Variants in PHF3 observed in about 807,000 individuals in gnomAD.
The protein encoded by PHF3 is PHD finger protein 3.
A neutral mutation model predicts 178.4 loss-of-function variants in PHF3; 41 were observed. The observed-to-expected ratio is 0.23, with a 90% CI of 0.18 to 0.30. The LOEUF is 0.30. Among genes scored for constraint, PHF3 ranks in the 10% least tolerant of loss-of-function variants. The probability of loss-of-function intolerance (pLI) is 1.00; values close to 1 mark genes in which losing one functional copy is unlikely to be tolerated. For missense variants in PHF3, 2,346 were observed against 2,398.1 expected (o/e 0.98, Z 0.45); for synonymous variants, 842 against 800.5 (o/e 1.05, Z -0.88).
In PHF3 at chr6:63,707,019, A is replaced by T. The variant is rs796821628; in HGVS notation, c.3711+143A>T. The T allele has an allele frequency of 1.0e-4, 74 of 707,144 alleles. No homozygotes were observed. The African/African-American group carries it at 1.1e-3, about 11-fold the overall frequency. The allele number at this position is 707,144 out of a possible 1,614,324, so 43.8% of individuals were successfully genotyped here. ...AACAGTCCAAGTAATATAATTATGA[A>T]TTAACAAATGGATCTTTAGAATTGT... is the stretch of plus-strand genomic sequence containing the variant. On this transcript the variant is annotated intron_variant, in intron 13 of 15. Coordinates refer to ENST00000262043, the MANE Select transcript of PHF3 (RefSeq NM_001370348.2).
intron 3 of PHF3, among the ~76,000 whole-genome samples, chr6:63,680,393 G>A (rs962380572): frequency 7.8e-5 from 11 of 141,484 alleles, no homozygotes; most frequent in Admixed American, 7.0e-4. Flanking sequence ...CTCTGAGCTG[G>A]TTTAATTTTT....
At chr6:63,694,116 C>G (rs1767126975) in intron 5 of PHF3, among the ~76,000 whole-genome samples, 1 of 152,140 alleles carries the variant, frequency 6.6e-6, no homozygotes, top group African/African-American at 2.4e-5. Context: ...TCTCAGAATT[C>G]CAGTTTTACT....
chr6:63,674,995 T>G (rs1302086318), intron 2 of PHF3, among the ~76,000 whole-genome samples: 1 of 152,126 alleles, frequency 6.6e-6, no homozygotes, highest in Non-Finnish European at 1.5e-5. Flanking sequence ...TTTATTCTCT[T>G]TATCTCATTT....
In PHF3 at chr6:63,719,610, G is replaced by A. The variant is rs998351293; in HGVS notation, c.*5902G>A. Among the ~76,000 whole-genome samples, 3 of 151,984 alleles carry A rather than the reference G, an allele frequency of 2.0e-5. No individual in the cohort carries two copies. Among genetic ancestry groups the A allele is most frequent in the African/African-American group, 4.8e-5 (2 of 41,416 alleles). Reference sequence around the variant, plus strand: ...TCACAATTGTATCAGTAACTGTTTTGGGAAAAATAATATTTTTTCAAGTTA... The same window carrying A: ...TCACAATTGTATCAGTAACTGTTTTAGGAAAAATAATATTTTTTCAAGTTA... On this transcript the variant is annotated 3_prime_UTR_variant, in exon 16 of 16. Coordinates refer to ENST00000262043, the MANE Select transcript of PHF3 (RefSeq NM_001370348.2).
Position 63,712,208 on chromosome 6 carries a change from A to G in PHF3, c.4620A>G (p.Ile1540Met). The change falls in exon 16 of 16, where the codon ATA (isoleucine) becomes ATG (methionine). Residue 1540 changes from isoleucine to methionine, a missense_variant. Around this residue, in one of 8 missense-constraint regions of PHF3, gnomAD observed 839 missense variants for 806.9 expected, o/e 1.04. Transcript: ENST00000262043. ...ISESTDKSAE[I>M]ETSVVGSSSI... ...AATCTACAGATAAGTCAGCAGAAAT[A>G]GAAACATCAGTAGTAGGGTCCTCTT... The G allele has an allele frequency of 1.2e-6, 2 of 1,614,078 alleles. No homozygotes were observed. The highest frequency in any genetic ancestry group is 1.1e-5 in the South Asian group (1 of 91,082).
chr6:63,677,052 G>A (rs1369116980), intron 2 of PHF3, among the ~76,000 whole-genome samples: 1 of 152,184 alleles, frequency 6.6e-6, no homozygotes, highest in Admixed American at 6.5e-5. Context: ...AATACCTTGG[G>A]AGGAACAGTT....
At chr6:63,676,563 C>T (rs531851267) in intron 2 of PHF3, among the ~76,000 whole-genome samples, 22 of 152,196 alleles carry the variant, frequency 1.4e-4, no homozygotes, top group Admixed American at 1.1e-3. Flanking sequence ...TTATGCTTCC[C>T]TATGTTCAGG....
At chr6:63,702,412 ATTTG>A (rs1469601866) in intron 9 of PHF3, 92 bp from the exon 10 acceptor site, 6 of 767,044 alleles carry the variant, frequency 7.8e-6, no homozygotes, top group Middle Eastern at 4.1e-4. Flanking sequence ...ATCTGTGGTG[ATTTG>A]TTTATTTTTA....
In PHF3 at chr6:63,684,122, G is replaced by A. The variant is rs1465166106; in HGVS notation, c.407-7G>A. 6.4e-7 allele frequency: 1 copy of A among 1,570,762 alleles called. No homozygotes were observed. Among genetic ancestry groups the A allele is most frequent in the Non-Finnish European group, 8.6e-7 (1 of 1,161,142 alleles). On this transcript the variant is annotated splice_region_variant and splice_polypyrimidine_tract_variant and intron_variant, in intron 3 of 15. Transcript: ENST00000262043. ...GTATTTTTATTTATTTTTTCCCCCT[G>A]TGATAGAACAAGTAAGAAGTTTGCG...
chr6:63,680,108 T>A lies in PHF3; in HGVS notation c.353T>A (p.Val118Glu). Residue 118 changes from valine to glutamate, a missense_variant, in exon 3 of 16, where the codon GTA (valine) becomes GAA (glutamate). Physicochemically the swap from Val to Glu is moderately radical, Grantham distance 121. This residue lies in a region of PHF3 where 843 missense variants were observed against 795.2 expected (regional missense o/e 1.06). Coordinates refer to ENST00000262043, the MANE Select transcript of PHF3 (RefSeq NM_001370348.2). ...CCTAACAGGAACTTAAGGGACAAGG[T>A]AGAAGAAAATTCAGTGAGATCTCCA... ...ILPNRNLRDK[V>E]EENSVRSPRK... 1 of 1,611,686 alleles carries A rather than the reference T, an allele frequency of 6.2e-7. No individual in the cohort carries two copies. Among genetic ancestry groups the A allele is most frequent in the South Asian group, 1.1e-5 (1 of 90,604 alleles).
At chr6:63,637,324 A>G (rs566891342) in intron 1 of PHF3, among the ~76,000 whole-genome samples, 13 of 152,358 alleles carry the variant, frequency 8.5e-5, no homozygotes, top group East Asian at 1.9e-4. Context: ...AGGCCTAACA[A>G]AACTACGCCT....
Position 63,719,367 on chromosome 6 carries a change from A to C in PHF3, c.*5659A>C, listed in dbSNP as rs1561992502. 6.6e-6 allele frequency among the ~76,000 whole-genome samples: 1 copy of C among 152,060 alleles called. No homozygotes were observed. The highest frequency in any genetic ancestry group is 2.4e-5 in the African/African-American group (1 of 41,426). On this transcript the variant is annotated 3_prime_UTR_variant, in exon 16 of 16. Coordinates refer to ENST00000262043, the MANE Select transcript of PHF3 (RefSeq NM_001370348.2). Reference sequence around the variant, plus strand: ...CTCTAATTACTTGATGATTAATTTCATATTTTTCCTTTTGAACATTACATG... The same window carrying C: ...CTCTAATTACTTGATGATTAATTTCCTATTTTTCCTTTTGAACATTACATG...
intron 2 of PHF3, among the ~76,000 whole-genome samples, chr6:63,665,920 C>A (rs1183907339): frequency 6.6e-6 from 1 of 152,132 alleles, no homozygotes; most frequent in Non-Finnish European, 1.5e-5. Context: ...CTCCTCTCTA[C>A]TTTATGGAAT....
chr6:63,691,686 A>G, intron 4 of PHF3, 51 bp from the exon 5 acceptor site: 1 of 1,433,188 alleles, frequency 7.0e-7, no homozygotes, highest in Non-Finnish European at 9.4e-7. Flanking sequence ...TTTGACATAG[A>G]TTTTCTTGTT....
intron 1 of PHF3, among the ~76,000 whole-genome samples, chr6:63,643,025 A>G (rs1458163017): frequency 6.6e-6 from 1 of 152,162 alleles, no homozygotes; most frequent in South Asian, 2.1e-4. Context: ...CATCTGACAT[A>G]AAGCTAGTGC....
In PHF3 at chr6:63,723,149, A is replaced by G. The variant is rs1218599865; in HGVS notation, c.*9441A>G. 1.3e-5 allele frequency among the ~76,000 whole-genome samples: 2 copies of G among 152,242 alleles called. No individual in the cohort carries two copies. The highest frequency in any genetic ancestry group is 2.9e-5 in the Non-Finnish European group (2 of 68,042). On this transcript the variant is annotated 3_prime_UTR_variant, in exon 16 of 16. Transcript: ENST00000262043. The stretch of plus-strand genomic sequence containing the variant: ...TCTCAAATAATAGTTTTAGCTTGAA[A>G]GCAAAAACTTTTTTCCTATAATGAC...
chr6:63,649,079 C>CTTAT (rs10645572), intron 2 of PHF3, among the ~76,000 whole-genome samples: 41,481 of 148,478 alleles, frequency 0.28, 5,932 homozygotes, highest in South Asian at 0.36. Flanking sequence ...AAAAAGAAAT[C>CTTAT]TTATTTATTT....
chr6:63,721,104 T>C lies in PHF3; in HGVS notation c.*7396T>C, dbSNP rs1429566114. 30 of 1,551,396 alleles carry C rather than the reference T, an allele frequency of 1.9e-5. No individual in the cohort carries two copies. Among genetic ancestry groups the C allele is most frequent in the Non-Finnish European group, 2.5e-5 (29 of 1,146,782 alleles). On this transcript the variant is annotated 3_prime_UTR_variant, in exon 16 of 16. Transcript: ENST00000262043. Reference sequence around the variant, plus strand: ...TAAGGATATAGTAGTGAACTGGAGGTTTCTCATTCTATAATTTGGATCAAT... The same window carrying C: ...TAAGGATATAGTAGTGAACTGGAGGCTTCTCATTCTATAATTTGGATCAAT...
intron 9 of PHF3, among the ~76,000 whole-genome samples, chr6:63,700,727 G>A (rs1379735752): frequency 6.6e-6 from 1 of 152,158 alleles, no homozygotes; most frequent in African/African-American, 2.4e-5. Flanking sequence ...GGGATTACAG[G>A]CACGTGCTGC....
Sources: allele counts gnomAD v4.1 joint callset (sites outside exome capture counted in the v4.1 genomes callset), GRCh38; gene constraint gnomAD v4.1.1; regional missense constraint gnomAD v4.1.1; transcripts MANE v1.5; gene names NCBI Gene and HGNC (gene_info 2026-07-23, HGNC 2026-07-21).